Variants in TMEM9B observed in about 807,000 individuals in gnomAD.
TMEM9B encodes transmembrane protein 9B.
In TMEM9B, 8 loss-of-function variants were observed where a neutral mutation model predicts 23.5. The observed-to-expected ratio is 0.34, with a 90% CI of 0.20 to 0.61. TMEM9B has a LOEUF of 0.61. Among genes scored for constraint, TMEM9B ranks in the 20% least tolerant of loss-of-function variants. The pLI, the probability that TMEM9B is intolerant of heterozygous loss-of-function variation, is 0.78. For synonymous variants in TMEM9B, 106 were observed against 96.3 expected, an observed-to-expected ratio of 1.10 and a Z score of -0.59; for missense variants, 197 against 252.3, an observed-to-expected ratio of 0.78 and a Z score of 1.49.
rs531570624 is a variant in TMEM9B at position 8,963,089 on chromosome 11, T to C, written c.106-906A>G. ...AAGCATAAGACATGGTTTCTGCCCA[T>C]AACCAGGACACACCCTAGTAAAGGA... On this transcript the variant is annotated intron_variant, in intron 1 of 4. Coordinates refer to ENST00000534025, the MANE Select transcript of TMEM9B (RefSeq NM_020644.3). Among the ~76,000 whole-genome samples the C allele has an allele frequency of 3.8e-4, 58 of 152,302 alleles. 1 individual carries two copies. Among genetic ancestry groups the C allele is most frequent in the African/African-American group, 1.3e-3 (53 of 41,570 alleles).
Position 8,948,378 on chromosome 11 carries a change from T to C in TMEM9B, c.539A>G (p.Lys180Arg). The C allele has an allele frequency of 6.2e-7, 1 of 1,614,236 alleles. No homozygotes were observed. The highest frequency in any genetic ancestry group is 8.5e-7 in the Non-Finnish European group (1 of 1,180,042). The change falls in exon 5 of 5, where the codon AAG (lysine) becomes AGG (arginine). Residue 180 changes from lysine to arginine, a missense_variant. Transcript: ENST00000534025. Reference sequence around the variant, plus strand: ...CTTTCGCTGCTCTTGGACTTGAAGCTTCCAGCGCTGCTGTGCATATTCTAC... The same window carrying C: ...CTTTCGCTGCTCTTGGACTTGAAGCCTCCAGCGCTGCTGTGCATATTCTAC... ...NKVEYAQQRW[K>R]LQVQEQRKSV...
intron 4 of TMEM9B, among the ~76,000 whole-genome samples, chr11:8,951,296 A>G (rs535198026): frequency 1.3e-5 from 2 of 152,308 alleles, no homozygotes; most frequent in Non-Finnish European, 2.9e-5. Flanking sequence ...TTCCAGGGTA[A>G]AAGGACTTTT....
chr11:8,959,070 A>G (rs1447003658), intron 2 of TMEM9B, among the ~76,000 whole-genome samples: 1 of 152,244 alleles, frequency 6.6e-6, no homozygotes, highest in Non-Finnish European at 1.5e-5. Context: ...ACTATATCCC[A>G]TAACAGGTGT....
rs749004137 is a variant in TMEM9B at position 8,964,276 on chromosome 11, G to A, written c.38C>T (p.Ser13Phe). ...CGCCAGGCACGACAGGCTGAGCAAGGAGCCAAGCCGAAGAAGGCCTCCCCA... is the reference window on the plus strand; with the variant it reads ...CGCCAGGCACGACAGGCTGAGCAAGAAGCCAAGCCGAAGAAGGCCTCCCCA... ...TLWGGLLRLG[S>F]LLSLSCLALS... The change falls in exon 1 of 5, where the codon TCC becomes TTC. Residue 13 changes from serine to phenylalanine, a missense_variant. Ser to Phe is a radical substitution (Grantham distance 155, BLOSUM62 -2). Coordinates refer to ENST00000534025, the MANE Select transcript of TMEM9B (RefSeq NM_020644.3). 1 of 1,594,690 alleles carries A rather than the reference G, an allele frequency of 6.3e-7. No individual in the cohort carries two copies. The highest frequency in any genetic ancestry group is 8.5e-7 in the Non-Finnish European group (1 of 1,171,482).
At position 8,962,202 on chromosome 11, in the gene TMEM9B, C is replaced by G. The variant is rs754000926; in HGVS notation, c.106-19G>C. 4.0e-6 allele frequency: 6 copies of G among 1,508,302 alleles called. No individual in the cohort carries two copies. The African/African-American group carries it at 8.3e-5, about 21-fold the overall frequency. The allele number at this position is 1,508,302 out of a possible 1,614,324, so 93.4% of individuals were successfully genotyped here. A position where few individuals can be genotyped will look rare whatever the true frequency, so the allele number is the denominator to read the frequency against. ...CGAAATTCTGTAACCAAAATGGAAA[C>G]AGTATAGTGCGTTGACAGTTTATCA... On this transcript the variant is annotated intron_variant, in intron 1 of 4. Transcript: ENST00000534025.
chr11:8,964,252 G>T lies in TMEM9B; in HGVS notation c.62C>A (p.Ala21Glu). The change falls in exon 1 of 5, where the codon GCG (alanine) becomes GAG (glutamate). Residue 21 changes from alanine to glutamate, a missense_variant. This residue lies in a region of TMEM9B where 56 missense variants were observed against 38.2 expected (regional missense o/e 1.46). Transcript: ENST00000534025. ...LGSLLSLSCL[A>E]LSVLLLAQLS... ...CTGCGCCAGCAGCAGCACGGAAAGCGCCAGGCACGACAGGCTGAGCAAGGA... is the reference window on the plus strand; with the variant it reads ...CTGCGCCAGCAGCAGCACGGAAAGCTCCAGGCACGACAGGCTGAGCAAGGA... 6.3e-7 allele frequency: 1 copy of T among 1,596,650 alleles called. No individual in the cohort carries two copies. The highest frequency in any genetic ancestry group is 1.7e-4 in the Middle Eastern group (1 of 6,018).
In TMEM9B at chr11:8,951,225, G is replaced by A. The variant is rs893709043; in HGVS notation, c.441+1978C>T. ...CTGAAATCAGGAACAGATATTTAAC[G>A]CTGTAAAGGAAGGATGTCGTTTAAG... On this transcript the variant is annotated intron_variant, in intron 4 of 4. Transcript: ENST00000534025. Among the ~76,000 whole-genome samples, 9 of 152,078 alleles carry A rather than the reference G, an allele frequency of 5.9e-5. No homozygotes were observed. The South Asian group carries it at 8.3e-4, about 14-fold the overall frequency.
intron 4 of TMEM9B, among the ~76,000 whole-genome samples, chr11:8,949,405 T>G (rs1853835740): frequency 6.6e-6 from 1 of 152,256 alleles, no homozygotes; most frequent in Non-Finnish European, 1.5e-5. Context: ...ATTGCTTTTG[T>G]TTGCCTTTTC....
intron 3 of TMEM9B, 94 bp downstream of exon 3, chr11:8,956,096 G>A (rs1220374449): frequency 9.0e-7 from 1 of 1,111,042 alleles, no homozygotes; most frequent in Non-Finnish European, 1.3e-6. Flanking sequence ...TGGGGTAGGG[G>A]TCCAAATTTT....
intron 2 of TMEM9B, among the ~76,000 whole-genome samples, chr11:8,961,352 T>C (rs1216701537): frequency 6.6e-6 from 1 of 152,248 alleles, no homozygotes; most frequent in Non-Finnish European, 1.5e-5. Flanking sequence ...ATCCCATCCA[T>C]CTTCCACCGT....
intron 2 of TMEM9B, among the ~76,000 whole-genome samples, chr11:8,956,561 C>T (rs930670925): frequency 3.3e-5 from 5 of 152,068 alleles, no homozygotes; most frequent in African/African-American, 1.2e-4. Flanking sequence ...TACAAAAACG[C>T]ACACAAAAAA....
At chr11:8,953,909 A>T (rs1853927013) in intron 3 of TMEM9B, among the ~76,000 whole-genome samples, 1 of 152,242 alleles carries the variant, frequency 6.6e-6, no homozygotes, top group South Asian at 2.1e-4. Flanking sequence ...TACCATTCTA[A>T]GGAATTAACC....
intron 4 of TMEM9B, among the ~76,000 whole-genome samples, chr11:8,948,830 T>C (rs1196272885): frequency 1.3e-5 from 2 of 152,228 alleles, no homozygotes; most frequent in Non-Finnish European, 2.9e-5. Flanking sequence ...TCTATTTTCA[T>C]GTTAACATCT....
chr11:8,948,802 C>T (rs975130692), intron 4 of TMEM9B, among the ~76,000 whole-genome samples: 1 of 152,166 alleles, frequency 6.6e-6, no homozygotes, highest in Non-Finnish European at 1.5e-5. Flanking sequence ...CCTTCCTTAA[C>T]TGATAGGGAA....
At chr11:8,964,088 C>T in intron 1 of TMEM9B, 121 bp downstream of exon 1, 1 of 980,390 alleles carries the variant, frequency 1.0e-6, no homozygotes, top group Non-Finnish European at 1.5e-6. Flanking sequence ...TCTGCCGGAG[C>T]TGTGAGGCCA....
chr11:8,952,102 C>A (rs1394686188), intron 4 of TMEM9B, among the ~76,000 whole-genome samples: 1 of 152,036 alleles, frequency 6.6e-6, no homozygotes, highest in African/African-American at 2.4e-5. Context: ...GAGTGAGACT[C>A]CGTCTCAAAA....
chr11:8,960,909 T>C (rs796084550), intron 2 of TMEM9B, among the ~76,000 whole-genome samples: 3 of 152,316 alleles, frequency 2.0e-5, no homozygotes, highest in Non-Finnish European at 2.9e-5. Context: ...GGTCTCGAAC[T>C]CCTGACCTCA....
intron 3 of TMEM9B, among the ~76,000 whole-genome samples, chr11:8,954,672 G>A (rs1388252706): frequency 6.6e-6 from 1 of 152,142 alleles, no homozygotes; most frequent in African/African-American, 2.4e-5. Context: ...GGGTACATAA[G>A]TTGTATATTT....
chr11:8,951,412 G>A (rs955562078), intron 4 of TMEM9B, among the ~76,000 whole-genome samples: 3 of 151,934 alleles, frequency 2.0e-5, no homozygotes, highest in Non-Finnish European at 4.4e-5. Context: ...AATAATCCAC[G>A]AGAAAAAGTA....
Sources: gnomAD v4.1 joint callset for allele counts (sites outside exome capture counted in the v4.1 genomes callset) on GRCh38, gnomAD v4.1.1 for gene constraint, gnomAD v4.1.1 regional missense constraint, MANE v1.5 for transcripts, NCBI Gene and HGNC (gene_info 2026-07-23, HGNC 2026-07-21) for gene names.